Variants in ELP4 observed in about 807,000 individuals in gnomAD.
ELP4 encodes the protein elongator complex protein 4.
In ELP4, 51 loss-of-function variants were observed where a neutral mutation model predicts 48.9. That is an observed-to-expected ratio of 1.04 (90% CI 0.83 to 1.32). The LOEUF (loss-of-function observed/expected upper bound fraction) is 1.32. Ranked by LOEUF, ELP4 falls within the 40% of genes most tolerant of loss-of-function variation. ELP4 has a pLI of 0.00. For missense variants in ELP4, 519 were observed against 514.6 expected (o/e 1.01, Z -0.08); for synonymous variants, 210 against 189.2 (o/e 1.11, Z -0.90).
At position 31,576,514 on chromosome 11, in the gene ELP4, A is replaced by T. The variant is rs564553509; in HGVS notation, c.382-18256A>T. 5.3e-5 allele frequency among the ~76,000 whole-genome samples: 8 copies of T among 152,344 alleles called. No individual in the cohort carries two copies. The East Asian group carries it at 1.5e-3, about 29-fold the overall frequency. On this transcript the variant is annotated intron_variant, in intron 3 of 9. Transcript: ENST00000640961. ...TTCTTCTCAGCACGACATCACACTT[A>T]TTCCTAAATTGACCACATAGTTGGA...
At chr11:31,511,990 A>G (rs550480777) in intron 1 of ELP4, 5 of 152,356 alleles carry the variant, frequency 3.3e-5, no homozygotes, top group South Asian at 2.1e-4. Context: ...AAAGTGCACA[A>G]AAGTTGAAGA....
At chr11:31,775,315 T>TA (rs1234583608) in intron 9 of ELP4, among the ~76,000 whole-genome samples, 1 of 152,110 alleles carries the variant, frequency 6.6e-6, no homozygotes, top group African/African-American at 2.4e-5. Context: ...ACTGCCCCCT[T>TA]ACCACACACA....
intron 9 of ELP4, among the ~76,000 whole-genome samples, chr11:31,765,260 TGTATAC>T (rs1948019659): frequency 6.6e-6 from 1 of 152,170 alleles, no homozygotes; most frequent in African/African-American, 2.4e-5. Flanking sequence ...AAAAAAAAAT[TGTATAC>T]AGTACAACCA....
In ELP4 at chr11:31,650,134, G is replaced by T; in HGVS notation, c.1056G>T (p.Gln352His). 2.0e-6 allele frequency: 3 copies of T among 1,494,074 alleles called. No individual in the cohort carries two copies. Among genetic ancestry groups the T allele is most frequent in the Non-Finnish European group, 2.8e-6 (3 of 1,080,640 alleles). 92.6% of individuals were successfully genotyped at this position (1,494,074 alleles called of 1,614,324 possible). The change falls in exon 9 of 10, where the codon CAG (glutamine) becomes CAT (histidine). Residue 352 changes from glutamine (Q) to histidine (H), a missense_variant. Transcript: ENST00000640961. ...KDYHGLIHIR[Q>H]IPRLNNLICD... The stretch of plus-strand genomic sequence containing the variant: ...CACAAGGATTGATTCATATACGGCA[G>T]ATTCCTCGGCTTAATAACTTGATCT...
intron 2 of ELP4, among the ~76,000 whole-genome samples, chr11:31,537,433 T>G (rs1440369694): frequency 6.6e-6 from 1 of 152,212 alleles, no homozygotes; most frequent in East Asian, 1.9e-4. Flanking sequence ...AAATGATAAG[T>G]TTTCCAACTG....
intron 3 of ELP4, among the ~76,000 whole-genome samples, chr11:31,580,196 C>A (rs1000004488): frequency 8.1e-4 from 123 of 152,268 alleles, no homozygotes; most frequent in African/African-American, 2.8e-3. Flanking sequence ...AATGAACTAT[C>A]TTTGCCCCAA....
At chr11:31,744,017 A>C (rs1211252219) in intron 9 of ELP4, among the ~76,000 whole-genome samples, 1 of 152,202 alleles carries the variant, frequency 6.6e-6, no homozygotes, top group African/African-American at 2.4e-5. Flanking sequence ...AGAAGAAAAG[A>C]GAGAAGAATC....
At chr11:31,773,471 T>G (rs1948187833) in intron 9 of ELP4, among the ~76,000 whole-genome samples, 1 of 152,114 alleles carries the variant, frequency 6.6e-6, no homozygotes, top group Non-Finnish European at 1.5e-5. Context: ...AGGTATTAAT[T>G]GAACACATGT....
At chr11:31,539,579 A>T (rs1329116487) in intron 2 of ELP4, 83 bp from the exon 3 acceptor site, 4 of 1,387,450 alleles carry the variant, frequency 2.9e-6, no homozygotes, top group Non-Finnish European at 2.9e-6. Context: ...AAATATAAAA[A>T]CATATGAGTG....
intron 9 of ELP4, chr11:31,682,187 G>A (rs1946068319): frequency 1.3e-6 from 1 of 798,144 alleles, no homozygotes; most frequent in Non-Finnish European, 1.6e-6. Context: ...TAAGTGAAGA[G>A]CTGTACTTGA....
At chr11:31,766,194 T>C (rs1367407811) in intron 9 of ELP4, among the ~76,000 whole-genome samples, 1 of 152,122 alleles carries the variant, frequency 6.6e-6, no homozygotes, top group Admixed American at 6.5e-5. Context: ...TTGTATTTTA[T>C]ATAATAAACC....
At chr11:31,772,212 C>T (rs1039511654) in intron 9 of ELP4, among the ~76,000 whole-genome samples, 8 of 151,416 alleles carry the variant, frequency 5.3e-5, no homozygotes, top group African/African-American at 9.7e-5. Flanking sequence ...CTCCACATCC[C>T]GGGTTCAAGC....
chr11:31,576,419 C>T (rs571590374), intron 3 of ELP4, among the ~76,000 whole-genome samples: 138 of 152,286 alleles, frequency 9.1e-4, no homozygotes, highest in Non-Finnish European at 1.6e-3. Flanking sequence ...AGGAATTGAA[C>T]GCAGCTCTGC....
At chr11:31,539,029 A>T (rs980068878) in intron 2 of ELP4, among the ~76,000 whole-genome samples, 2 of 152,018 alleles carry the variant, frequency 1.3e-5, no homozygotes, top group African/African-American at 4.8e-5. Context: ...TATTGGTATT[A>T]TTTTTTCCTT....
At chr11:31,691,985 G>T (rs377427785) in intron 9 of ELP4, among the ~76,000 whole-genome samples, 2 of 152,106 alleles carry the variant, frequency 1.3e-5, no homozygotes, top group South Asian at 2.1e-4. Flanking sequence ...TAGGAGAATT[G>T]CCCCCATGTT....
intron 7 of ELP4, chr11:31,646,520 G>A (rs897750069): frequency 4.6e-5 from 7 of 151,626 alleles, no homozygotes; most frequent in African/African-American, 7.3e-5. Context: ...TCTTTATAAA[G>A]GGACTTAAGA....
chr11:31,753,042 A>C (rs1211573495), intron 9 of ELP4, among the ~76,000 whole-genome samples: 1 of 152,162 alleles, frequency 6.6e-6, no homozygotes, highest in Non-Finnish European at 1.5e-5. Context: ...TAACCAATGT[A>C]AAGTACCTGG....
intron 3 of ELP4, among the ~76,000 whole-genome samples, chr11:31,544,628 T>A (rs1956663508): frequency 6.6e-6 from 1 of 152,220 alleles, no homozygotes; most frequent in Non-Finnish European, 1.5e-5. Flanking sequence ...TGTCCCTGTC[T>A]GACAGCTTTG....
chr11:31,719,597 A>G (rs1946915192), intron 9 of ELP4: 1 of 397,630 alleles, frequency 2.5e-6, no homozygotes. Flanking sequence ...CAATAATGAC[A>G]GAAGAAAAAA....
Sources: gnomAD v4.1 joint callset for allele counts (sites outside exome capture counted in the v4.1 genomes callset) on GRCh38, gnomAD v4.1.1 for gene constraint, MANE v1.5 for transcripts, NCBI Gene and HGNC (gene_info 2026-07-23, HGNC 2026-07-21) for gene names.